Variants in SDK2 observed in about 807,000 individuals in gnomAD.
SDK2 encodes sidekick cell adhesion molecule 2, also known as protein sidekick-2.
In SDK2, 105 loss-of-function variants were observed where a neutral mutation model predicts 253.9. The ratio of observed to expected loss-of-function variants is 0.41; its 90% confidence interval spans 0.35 to 0.49. SDK2 has a LOEUF of 0.49. Ranked by LOEUF, SDK2 falls within the 20% of genes least tolerant of loss-of-function variation. The pLI is 0.06. For missense variants in SDK2, 2,608 were observed against 3,003.0 expected (o/e 0.87, Z 3.07); for synonymous variants, 1,249 against 1,234.9 (o/e 1.01, Z -0.24).
chr17:73,595,127 G>A (rs767684104), intron 1 of SDK2, among the ~76,000 whole-genome samples: 16 of 152,180 alleles, frequency 1.1e-4, no homozygotes, highest in Non-Finnish European at 1.9e-4. Flanking sequence ...TGGGCATTGG[G>A]TGGGCACTTG....
chr17:73,442,106 T>A (rs4789613), intron 5 of SDK2, among the ~76,000 whole-genome samples: 83,031 of 152,214 alleles, frequency 0.55, 22,833 homozygotes, highest in African/African-American at 0.56. Context: ...GTTAGGTGTG[T>A]ATATTTCCAT....
chr17:73,620,064 T>TG (rs1300824028), intron 1 of SDK2, among the ~76,000 whole-genome samples: 2 of 152,012 alleles, frequency 1.3e-5, no homozygotes, highest in Non-Finnish European at 2.9e-5. Context: ...CTGGGTGTGG[T>TG]GGCATGTGCC....
Position 73,447,742 on chromosome 17 carries a change from G to T in SDK2, c.486C>A (p.Ile162=), listed in dbSNP as rs1161544973. 6.4e-7 allele frequency: 1 copy of T among 1,551,566 alleles called. No homozygotes were observed. Among genetic ancestry groups the T allele is most frequent in the African/African-American group, 1.4e-5 (1 of 73,030 alleles). Reference sequence around the variant, plus strand: ...GGATGACAAGGGTGTTCTCCAGCGTGATGGCTCTGGGAAGAGGAAAAGGAT... The same window carrying T: ...GGATGACAAGGGTGTTCTCCAGCGTTATGGCTCTGGGAAGAGGAAAAGGAT... The part of the protein sequence containing the change: ...RKIPPSSRIA[I]TLENTLVILS... The change falls in exon 5 of 45, where the codon ATC becomes ATA. Residue 162 remains isoleucine, a synonymous_variant. Coordinates refer to ENST00000392650, the MANE Select transcript of SDK2 (RefSeq NM_001144952.2). The surrounding 1 kb of genome is among the most constrained non-coding windows in gnomAD (Gnocchi z 4.0).
chr17:73,376,171 C>A (rs148823329), intron 36 of SDK2, among the ~76,000 whole-genome samples: 1 of 149,162 alleles, frequency 6.7e-6, no homozygotes, highest in Non-Finnish European at 1.5e-5. Context: ...TTCAGCCTGG[C>A]GGCAGAGCAA....
At chr17:73,412,015 TATAC>T (rs1568389157) in intron 18 of SDK2, among the ~76,000 whole-genome samples, 29 of 55,816 alleles carry the variant, frequency 5.2e-4, no homozygotes, top group Non-Finnish European at 9.2e-4. Flanking sequence ...TATATGTAGA[TATAC>T]GTATATGTAT....
intron 1 of SDK2, among the ~76,000 whole-genome samples, chr17:73,571,458 T>C (rs2045384655): frequency 6.6e-6 from 1 of 152,090 alleles, no homozygotes; most frequent in Non-Finnish European, 1.5e-5. Context: ...CTCAGGGAGC[T>C]CGGTGGCCCA....
chr17:73,606,295 G>A (rs1381818700), intron 1 of SDK2, among the ~76,000 whole-genome samples: 1 of 152,090 alleles, frequency 6.6e-6, no homozygotes, highest in Non-Finnish European at 1.5e-5. Context: ...GAGCTCCCTG[G>A]GGAAGCTGGG....
At position 73,496,645 on chromosome 17, in the gene SDK2, T is replaced by C. The variant is rs2063843892; in HGVS notation, c.224+10793A>G. Among the ~76,000 whole-genome samples the C allele has an allele frequency of 6.6e-6, 1 of 152,134 alleles. No homozygotes were observed. The highest frequency in any genetic ancestry group is 6.6e-5 in the Admixed American group (1 of 15,266). ...CTGCTGGATATATCCGAGAAGATTC[T>C]TCCTGGCGTTCCAGGTCCTACCTCT... On this transcript the variant is annotated intron_variant, in intron 2 of 44. Coordinates refer to ENST00000392650, the MANE Select transcript of SDK2 (RefSeq NM_001144952.2). The surrounding 1 kb of genome is among the most constrained non-coding windows in gnomAD (Gnocchi z 4.7).
At position 73,496,342 on chromosome 17, in the gene SDK2, G is replaced by T. The variant is rs941489954; in HGVS notation, c.224+11096C>A. Reference sequence around the variant, plus strand: ...TGCTCAAAGGCACACAGTGAGTCAGGGGCAGGACTGGACATCACAAGGTGG... The same window carrying T: ...TGCTCAAAGGCACACAGTGAGTCAGTGGCAGGACTGGACATCACAAGGTGG... On this transcript the variant is annotated intron_variant, in intron 2 of 44. Transcript: ENST00000392650. The surrounding 1 kb of genome is among the most constrained non-coding windows in gnomAD (Gnocchi z 4.7). 2.0e-5 allele frequency among the ~76,000 whole-genome samples: 3 copies of T among 152,166 alleles called. No individual in the cohort carries two copies. The highest frequency in any genetic ancestry group is 4.4e-5 in the Non-Finnish European group (3 of 68,042).
At chr17:73,557,952 CCT>C (rs776216474) in intron 1 of SDK2, among the ~76,000 whole-genome samples, 1 of 152,168 alleles carries the variant, frequency 6.6e-6, no homozygotes, top group Non-Finnish European at 1.5e-5. Context: ...ATTCACTCAT[CCT>C]CTCTCTCAGC....
At chr17:73,565,881 T>C (rs1252760266) in intron 1 of SDK2, among the ~76,000 whole-genome samples, 1 of 152,230 alleles carries the variant, frequency 6.6e-6, no homozygotes, top group Non-Finnish European at 1.5e-5. Flanking sequence ...TGTAGTGCAA[T>C]AGCGCAATCT....
chr17:73,360,106 G>T (rs995973493), intron 39 of SDK2, among the ~76,000 whole-genome samples: 2 of 152,198 alleles, frequency 1.3e-5, no homozygotes, highest in African/African-American at 4.8e-5. Context: ...CCAACGCTTG[G>T]TCCTCAGTTG....
At chr17:73,540,270 A>G (rs907610930) in intron 1 of SDK2, among the ~76,000 whole-genome samples, 1 of 152,150 alleles carries the variant, frequency 6.6e-6, no homozygotes, top group African/African-American at 2.4e-5. Flanking sequence ...ATGGCAATAG[A>G]GTCTATTTCG....
intron 1 of SDK2, among the ~76,000 whole-genome samples, chr17:73,526,196 C>T (rs776906714): frequency 5.3e-5 from 8 of 152,030 alleles, no homozygotes; most frequent in East Asian, 1.9e-4. Flanking sequence ...GTGCAAGGAA[C>T]GGTGGCTTCT....
At chr17:73,591,453 G>A (rs1301067986) in intron 1 of SDK2, among the ~76,000 whole-genome samples, 1 of 152,134 alleles carries the variant, frequency 6.6e-6, no homozygotes, top group Non-Finnish European at 1.5e-5. Flanking sequence ...GCCACAGTGG[G>A]GTTGCCAGAT....
chr17:73,556,119 C>T (rs571699071), intron 1 of SDK2, among the ~76,000 whole-genome samples: 5 of 152,236 alleles, frequency 3.3e-5, no homozygotes, highest in Admixed American at 1.3e-4. Context: ...TGCCAGGAAA[C>T]GACACATGCA....
chr17:73,485,153 TG>T (rs1163267733), intron 2 of SDK2, among the ~76,000 whole-genome samples: 1 of 152,026 alleles, frequency 6.6e-6, no homozygotes, highest in Non-Finnish European at 1.5e-5. Context: ...GCTTGAGCCG[TG>T]GGGTGACTTA....
rs887728327 is a variant in SDK2, at chr17:73,424,996, T to G, written c.1584-904A>C. Among the ~76,000 whole-genome samples, 22 of 152,222 alleles carry G rather than the reference T, an allele frequency of 1.4e-4. No individual in the cohort carries two copies. In the South Asian group the frequency reaches 1.5e-3, roughly 10 times the overall value. Reference sequence around the variant, plus strand: ...GCACTTTGGGAGGCCGAGGTGGGTGTATCACCTGAGGTCAGGAGTTTGAGA... The same window carrying G: ...GCACTTTGGGAGGCCGAGGTGGGTGGATCACCTGAGGTCAGGAGTTTGAGA... On this transcript the variant is annotated intron_variant, in intron 12 of 44. Coordinates refer to ENST00000392650, the MANE Select transcript of SDK2 (RefSeq NM_001144952.2).
At chr17:73,403,202 C>G (rs1234421147) in intron 18 of SDK2, among the ~76,000 whole-genome samples, 2 of 152,138 alleles carry the variant, frequency 1.3e-5, no homozygotes, top group East Asian at 3.9e-4. Context: ...TACATCTTGC[C>G]CCATGTGAGC....
Sources: gnomAD v4.1 joint callset for allele counts (sites outside exome capture counted in the v4.1 genomes callset) on GRCh38, gnomAD v4.1.1 for gene constraint, Gnocchi (gnomAD v3.1) non-coding constraint, MANE v1.5 for transcripts, NCBI Gene and HGNC (gene_info 2026-07-23, HGNC 2026-07-21) for gene names.